RC3H1: variants seen among roughly 807,000 people sequenced by gnomAD.
RC3H1 encodes the protein roquin-1.
Under a neutral mutation model 138.2 loss-of-function variants are expected in RC3H1, and 50 were observed. The observed-to-expected ratio is 0.36, with a 90% CI of 0.29 to 0.46. RC3H1 has a LOEUF of 0.46. Among genes scored for constraint, RC3H1 ranks in the 20% least tolerant of loss-of-function variants. The pLI is 1.00. For synonymous variants in RC3H1, 462 were observed against 489.1 expected, an observed-to-expected ratio of 0.94 and a Z score of 0.73; for missense variants, 1,031 against 1,388.1, an observed-to-expected ratio of 0.74 and a Z score of 4.09.
Position 173,947,361 on chromosome 1 carries a change from A to G in RC3H1, c.2737+8T>C. 6.2e-7 allele frequency: 1 copy of G among 1,601,552 alleles called. No individual in the cohort carries two copies. The highest frequency in any genetic ancestry group is 8.6e-7 in the Non-Finnish European group (1 of 1,168,718). Reference sequence around the variant, plus strand: ...CCCTTTAGGTCAGCTTACCTCTGAGATTCTTACCTGAAATGTTAATAGATT... The same window carrying G: ...CCCTTTAGGTCAGCTTACCTCTGAGGTTCTTACCTGAAATGTTAATAGATT... On this transcript the variant is annotated splice_region_variant and intron_variant, in intron 15 of 19. Coordinates refer to ENST00000367696, the MANE Select transcript of RC3H1 (RefSeq NM_172071.4).
chr1:174,020,525 G>C (rs866046715), intron 1 of RC3H1, among the ~76,000 whole-genome samples: 1 of 152,120 alleles, frequency 6.6e-6, no homozygotes, highest in Middle Eastern at 3.2e-3. Context: ...TTCAGCACAG[G>C]TCAGTGCTGA....
rs141316886 is a variant in RC3H1, at chr1:173,978,531, T to C, written c.1059A>G (p.Leu353=). 2.5e-6 allele frequency: 4 copies of C among 1,614,100 alleles called. No individual in the cohort carries two copies. Among genetic ancestry groups the C allele is most frequent in the Admixed American group, 3.3e-5 (2 of 60,008 alleles). Residue 353 remains leucine (L), a synonymous_variant, in exon 7 of 20, where the codon CTA becomes CTG. Coordinates refer to ENST00000367696, the MANE Select transcript of RC3H1 (RefSeq NM_172071.4). ...RTGDPANLNR[L]RPHLELLANI... ...TTGCTAACAGCTCCAAATGGGGTCT[T>C]AGTCGGTTCAAGTTTGCTGGGTCTC...
intron 1 of RC3H1, among the ~76,000 whole-genome samples, chr1:174,003,555 T>G (rs568644749): frequency 1.3e-5 from 2 of 152,258 alleles, no homozygotes; most frequent in Admixed American, 6.5e-5. Flanking sequence ...ATCTCTGACC[T>G]GGATCACTGT....
In RC3H1 at chr1:174,013,568, A is replaced by G. The variant is rs1661807594; in HGVS notation, c.-151+8528T>C. On this transcript the variant is annotated intron_variant, in intron 1 of 19. Transcript: ENST00000367696. ...GCGATTCTCCTGCCTCAGCCTCCCA[A>G]GCAGCTGGGACTATAGGTTCACACC... Among the ~76,000 whole-genome samples, 3 of 151,766 alleles carry G rather than the reference A, an allele frequency of 2.0e-5. No individual in the cohort carries two copies. In the South Asian group the frequency reaches 6.3e-4, roughly 32 times the overall value.
In RC3H1 at chr1:173,964,206, G is replaced by A. The variant is rs1660001246; in HGVS notation, c.1617-19C>T. The A allele has an allele frequency of 6.3e-7, 1 of 1,575,040 alleles. No individual in the cohort carries two copies. The highest frequency in any genetic ancestry group is 8.7e-7 in the Non-Finnish European group (1 of 1,145,172). ...TTCTAGCCTAAGGGAATAATATTAT[G>A]GAAGTTGTTTAAAAAATACTTCTCA... On this transcript the variant is annotated intron_variant, in intron 10 of 19. Coordinates refer to ENST00000367696, the MANE Select transcript of RC3H1 (RefSeq NM_172071.4).
chr1:174,015,483 G>A (rs1199747685), intron 1 of RC3H1, among the ~76,000 whole-genome samples: 1 of 151,676 alleles, frequency 6.6e-6, no homozygotes, highest in Admixed American at 6.6e-5. Context: ...CTCTGCCTCA[G>A]CCTCCTGAGT....
At chr1:173,979,499 T>A (rs1019730970) in intron 6 of RC3H1, among the ~76,000 whole-genome samples, 1 of 151,946 alleles carries the variant, frequency 6.6e-6, no homozygotes, top group African/African-American at 2.4e-5. Context: ...TACAAAAAAT[T>A]TGGGCGTGGT....
chr1:173,989,516 T>C (rs1661173745), intron 2 of RC3H1, among the ~76,000 whole-genome samples: 1 of 151,968 alleles, frequency 6.6e-6, no homozygotes, highest in African/African-American at 2.4e-5. Flanking sequence ...AAATATAGTT[T>C]TTAATTTTGA....
At chr1:173,955,207 C>G (rs1427415604) in intron 13 of RC3H1, among the ~76,000 whole-genome samples, 1 of 108,792 alleles carries the variant, frequency 9.2e-6, no homozygotes, top group Non-Finnish European at 1.7e-5. Flanking sequence ...GCCCAGACGA[C>G]AGTGTGAAAC....
Position 173,992,922 on chromosome 1 carries a change from C to T in RC3H1, c.64G>A (p.Asp22Asn), listed in dbSNP as rs759295069. 9 of 1,613,808 alleles carry T rather than the reference C, an allele frequency of 5.6e-6. No homozygotes were observed. The highest frequency in any genetic ancestry group is 4.5e-5 in the East Asian group (2 of 44,872). The stretch of plus-strand genomic sequence containing the variant: ...CTGATGGGCTTTCGAATTGTTTCGT[C>T]GAAAGTCTGAGTGCAAATTGGGCAG... ...LSCPICTQTFDETIRKPISLG... is the reference protein window; with the variant it reads ...LSCPICTQTFNETIRKPISLG... Residue 22 changes from aspartate to asparagine, a missense_variant, in exon 2 of 20, where the codon GAC (aspartate) becomes AAC (asparagine). Around this residue, in one of 7 missense-constraint regions of RC3H1, gnomAD observed 35 missense variants for 69.4 expected, o/e 0.50. Coordinates refer to ENST00000367696, the MANE Select transcript of RC3H1 (RefSeq NM_172071.4).
intron 19 of RC3H1, among the ~76,000 whole-genome samples, chr1:173,940,088 A>G (rs1658780462): frequency 6.6e-6 from 1 of 152,184 alleles, no homozygotes; most frequent in South Asian, 2.1e-4. Flanking sequence ...ATAATACTGG[A>G]TGATATAGGA....
intron 4 of RC3H1, chr1:173,983,175 G>C (rs1571220946): frequency 1.9e-6 from 1 of 522,636 alleles, no homozygotes; most frequent in East Asian, 3.3e-5. Flanking sequence ...TGAAAAAAAG[G>C]AAAAATCAAA....
chr1:173,983,644 G>T lies in RC3H1; in HGVS notation c.366C>A (p.Asn122Lys), dbSNP rs1268304518. ...GACTCAGAACACTCTGAGTAGTGCT[G>T]TTCAGACCCACTCCTTTAAAAGAGT... is the stretch of plus-strand genomic sequence containing the variant. ...PLSSARGVGL[N>K]STTQSVLSRP... Residue 122 changes from asparagine to lysine, a missense_variant, in exon 4 of 20, where the codon AAC becomes AAA. Transcript: ENST00000367696. The T allele has an allele frequency of 1.2e-6, 2 of 1,613,952 alleles. No homozygotes were observed. The highest frequency in any genetic ancestry group is 1.7e-6 in the Non-Finnish European group (2 of 1,179,998).
At chr1:173,958,049 C>G (rs1408878091) in intron 13 of RC3H1, among the ~76,000 whole-genome samples, 3 of 152,144 alleles carry the variant, frequency 2.0e-5, no homozygotes, top group African/African-American at 7.2e-5. Context: ...ATGTACTTCT[C>G]AATTTTCATT....
chr1:173,988,609 G>C (rs1661133256), intron 2 of RC3H1, among the ~76,000 whole-genome samples: 1 of 152,164 alleles, frequency 6.6e-6, no homozygotes, highest in South Asian at 2.1e-4. Flanking sequence ...ACTATGTTAA[G>C]CTTATAAAGA....
At chr1:173,979,264 G>C (rs1345238195) in intron 6 of RC3H1, among the ~76,000 whole-genome samples, 1 of 152,204 alleles carries the variant, frequency 6.6e-6, no homozygotes, top group Non-Finnish European at 1.5e-5. Context: ...AGCACTGCGT[G>C]TGATATGAGA....
In RC3H1 at chr1:173,962,079, TGGA is replaced by T; in HGVS notation, c.1845_1847del (p.Pro618del). On this transcript the variant is annotated inframe_deletion, in exon 12 of 20. Coordinates refer to ENST00000367696, the MANE Select transcript of RC3H1 (RefSeq NM_172071.4). ...CAAAGCGGGACACACATTGTGGTGG[TGGA>T]GTATAATACATACCTGCACAATACA... The T allele has an allele frequency of 6.2e-7, 1 of 1,613,308 alleles. No homozygotes were observed. Among genetic ancestry groups the T allele is most frequent in the Admixed American group, 1.7e-5 (1 of 59,998 alleles).
intron 3 of RC3H1, 59 bp downstream of exon 3, chr1:173,984,440 G>A (rs1660941560): frequency 1.9e-6 from 3 of 1,540,514 alleles, no homozygotes; most frequent in South Asian, 2.4e-5. Flanking sequence ...ATAGGATTAT[G>A]TACTGAGTAT....
chr1:173,940,872 A>G (rs1357272316), intron 19 of RC3H1, among the ~76,000 whole-genome samples: 1 of 150,694 alleles, frequency 6.6e-6, no homozygotes, highest in Non-Finnish European at 1.5e-5. Context: ...GCCAGGCTGG[A>G]GTACAGTGGC....
Sources: allele counts gnomAD v4.1 joint callset (sites outside exome capture counted in the v4.1 genomes callset), GRCh38; gene constraint gnomAD v4.1.1; regional missense constraint gnomAD v4.1.1; transcripts MANE v1.5; gene names NCBI Gene and HGNC (gene_info 2026-07-23, HGNC 2026-07-21).